PCDHA7: variants seen among roughly 807,000 people sequenced by gnomAD.
PCDHA7 encodes protocadherin alpha-7.
A neutral mutation model predicts 57.2 loss-of-function variants in PCDHA7; 37 were observed. That is an observed-to-expected ratio of 0.65 (90% CI 0.50 to 0.85). The LOEUF (loss-of-function observed/expected upper bound fraction) is 0.85, where lower values mean the gene tolerates loss of function less well. Ranked by LOEUF, PCDHA7 falls within the 40% of genes least tolerant of loss-of-function variation. The probability of loss-of-function intolerance (pLI) is 0.00; values close to 1 mark genes in which losing one functional copy is unlikely to be tolerated. For missense variants in PCDHA7, 1,188 were observed against 1,241.8 expected (o/e 0.96, Z 0.65); for synonymous variants, 553 against 558.8 (o/e 0.99, Z 0.15).
At chr5:140,842,475 T>A in intron 1 of PCDHA7, 4 of 1,613,948 alleles carry the variant, frequency 2.5e-6, no homozygotes, top group Non-Finnish European at 2.5e-6. Context: ...AACGGGCAGG[T>A]GACCTGCTCC....
intron 1 of PCDHA7, chr5:140,857,752 C>A: frequency 6.3e-7 from 1 of 1,597,166 alleles, no homozygotes; most frequent in Non-Finnish European, 8.6e-7. Flanking sequence ...TGGCGTCTCC[C>A]GCTGGCAGCG....
chr5:140,842,117 G>A, intron 1 of PCDHA7: 4 of 1,613,862 alleles, frequency 2.5e-6, no homozygotes, highest in Non-Finnish European at 3.4e-6. Context: ...CAAACTGAAT[G>A]CTTCTGATCC....
intron 1 of PCDHA7, among the ~76,000 whole-genome samples, chr5:140,945,317 A>C (rs1322598969): frequency 1.3e-5 from 2 of 152,150 alleles, no homozygotes; most frequent in Non-Finnish European, 2.9e-5. Context: ...AAATAAATGG[A>C]AATATATTTT....
intron 1 of PCDHA7, chr5:140,867,128 A>G (rs1328487179): frequency 2.0e-5 from 3 of 152,164 alleles, no homozygotes; most frequent in African/African-American, 4.8e-5. Flanking sequence ...TAATTCAAAT[A>G]TGTGATATTA....
intron 1 of PCDHA7, among the ~76,000 whole-genome samples, chr5:140,974,022 A>G (rs1348109814): frequency 2.0e-5 from 3 of 152,248 alleles, no homozygotes; most frequent in African/African-American, 4.8e-5. Context: ...TGATAATACA[A>G]CTATAAATTT....
At chr5:140,961,347 T>TTGAGAGACCAA (rs2095606709) in intron 1 of PCDHA7, among the ~76,000 whole-genome samples, 1 of 152,216 alleles carries the variant, frequency 6.6e-6, no homozygotes, top group South Asian at 2.1e-4. Flanking sequence ...AGTGGATCCC[T>TTGAGAGACCAA]GTAGTCCCCA....
intron 1 of PCDHA7, among the ~76,000 whole-genome samples, chr5:140,837,516 C>G (rs1775087693): frequency 1.3e-5 from 2 of 151,568 alleles, no homozygotes; most frequent in Admixed American, 6.6e-5. Flanking sequence ...AAGCAGTTTA[C>G]TTTTTTTGTA....
At chr5:140,882,646 T>C (rs1554175002) in intron 1 of PCDHA7, 1 of 1,614,112 alleles carries the variant, frequency 6.2e-7, no homozygotes, top group South Asian at 1.1e-5. Flanking sequence ...TGAGGGACAT[T>C]AACGACAACC....
intron 3 of PCDHA7, among the ~76,000 whole-genome samples, chr5:140,984,534 G>C (rs1261585417): frequency 6.6e-6 from 1 of 152,136 alleles, no homozygotes; most frequent in Non-Finnish European, 1.5e-5. Context: ...TTCATGGACT[G>C]TGCTGGATAG....
chr5:140,965,173 G>A (rs1257436786), intron 1 of PCDHA7, among the ~76,000 whole-genome samples: 1 of 152,218 alleles, frequency 6.6e-6, no homozygotes, highest in African/African-American at 2.4e-5. Flanking sequence ...TTTAGTGAGT[G>A]CTTTTTTTGC....
At chr5:140,961,888 T>C (rs1361187779) in intron 1 of PCDHA7, among the ~76,000 whole-genome samples, 8 of 124,918 alleles carry the variant, frequency 6.4e-5, no homozygotes, top group Non-Finnish European at 9.4e-5. Context: ...CTTACATCAG[T>C]TTTTTTTTTT....
Position 140,843,512 on chromosome 5 carries a change from G to T in PCDHA7, c.2355+6774G>T, listed in dbSNP as rs2150361484. The T allele has an allele frequency of 6.3e-6, 10 of 1,595,848 alleles. 1 individual carries two copies. Among genetic ancestry groups the T allele is most frequent in the Non-Finnish European group, 8.6e-6 (10 of 1,165,572 alleles). On this transcript the variant is annotated intron_variant, in intron 1 of 3. Coordinates refer to ENST00000525929, the MANE Select transcript of PCDHA7 (RefSeq NM_018910.3). ...GTGCTCAGCACTGCCCACTGAGGGC[G>T]GGTGCCGGGCGGGCAAGCCCACTCT...
At position 140,870,179 on chromosome 5, in the gene PCDHA7, G is replaced by C. The variant is rs184228916; in HGVS notation, c.2355+33441G>C. ...GTGACTTCCTTGTCCCTCCCAGTACGAGAGGACGCTCAGCCCAGCACGGTC... is the reference window on the plus strand; with the variant it reads ...GTGACTTCCTTGTCCCTCCCAGTACCAGAGGACGCTCAGCCCAGCACGGTC... On this transcript the variant is annotated intron_variant, in intron 1 of 3. Transcript: ENST00000525929. 4.9e-4 allele frequency: 783 copies of C among 1,614,104 alleles called. 1 individual carries two copies. In the African/African-American group the frequency reaches 9.2e-3, roughly 19 times the overall value.
chr5:140,951,543 C>CG (rs1201907714), intron 1 of PCDHA7, among the ~76,000 whole-genome samples: 2 of 151,428 alleles, frequency 1.3e-5, no homozygotes. Flanking sequence ...GAGCAAGGGA[C>CG]GGGGGGAAGT....
chr5:140,889,824 C>A (rs1396428338), intron 1 of PCDHA7, among the ~76,000 whole-genome samples: 3 of 152,102 alleles, frequency 2.0e-5, no homozygotes, highest in African/African-American at 4.8e-5. Context: ...CATAAGAAGT[C>A]TTACAGTATG....
chr5:141,007,416 AAATT>A (rs2098327486), intron 3 of PCDHA7, among the ~76,000 whole-genome samples: 1 of 149,348 alleles, frequency 6.7e-6, no homozygotes, highest in Non-Finnish European at 1.5e-5. Context: ...AAAAAAAAAA[AAATT>A]AGCCAGGCAT....
In PCDHA7 at chr5:140,966,446, C is replaced by T. The variant is rs2096003680; in HGVS notation, c.2356-12503C>T. Reference sequence around the variant, plus strand: ...CTGAGCCCTCCTACCGCTCCCTTTCCCCCTCCCCCTCTGTCTTCCCTTCTG... The same window carrying T: ...CTGAGCCCTCCTACCGCTCCCTTTCTCCCTCCCCCTCTGTCTTCCCTTCTG... On this transcript the variant is annotated intron_variant, in intron 1 of 3. Transcript: ENST00000525929. 7 of 424,490 alleles carry T rather than the reference C, an allele frequency of 1.6e-5. No homozygotes were observed. The East Asian group carries it at 2.5e-4, about 15-fold the overall frequency. 26.3% of individuals were successfully genotyped at this position (424,490 alleles called of 1,614,324 possible).
At chr5:140,959,038 A>G (rs1389837259) in intron 1 of PCDHA7, among the ~76,000 whole-genome samples, 2 of 151,994 alleles carry the variant, frequency 1.3e-5, no homozygotes, top group African/African-American at 4.8e-5. Flanking sequence ...ATGGGTATGT[A>G]TGTATAGGAA....
intron 1 of PCDHA7, among the ~76,000 whole-genome samples, chr5:140,959,860 A>G (rs1554224378): frequency 6.6e-6 from 1 of 152,230 alleles, no homozygotes; most frequent in East Asian, 1.9e-4. Context: ...GGAATTATGT[A>G]GCAAAATCTG....
Sources: gnomAD v4.1 joint callset for allele counts (sites outside exome capture counted in the v4.1 genomes callset) on GRCh38, gnomAD v4.1.1 for gene constraint, MANE v1.5 for transcripts, NCBI Gene and HGNC (gene_info 2026-07-23, HGNC 2026-07-21) for gene names.